ERBIN: variants seen among roughly 807,000 people sequenced by gnomAD.
ERBIN encodes the protein densin-180-like protein.
Under a neutral mutation model 158.4 loss-of-function variants are expected in ERBIN, and 60 were observed. That is an observed-to-expected ratio of 0.38 (90% confidence interval 0.31 to 0.47). The LOEUF (loss-of-function observed/expected upper bound fraction) is 0.47, where lower values mean the gene tolerates loss of function less well. ERBIN is among the 20% of genes least tolerant of loss of function. ERBIN has a pLI of 0.99. For missense variants in ERBIN, 1,610 were observed against 1,648.0 expected (o/e 0.98, Z 0.40); for synonymous variants, 594 against 557.2 (o/e 1.07, Z -0.93).
intron 21 of ERBIN, among the ~76,000 whole-genome samples, chr5:66,057,052 A>C (rs1023258128): frequency 2.6e-5 from 4 of 152,210 alleles, no homozygotes; most frequent in Non-Finnish European, 4.4e-5. Flanking sequence ...CTTTTATCTT[A>C]AATGGATTCA....
rs772493099 is a variant in ERBIN, at chr5:66,023,286, A to G, written c.598-4A>G. ...ACTGCTATCCCCTACCCTAATCCCA[A>G]CAGCCTGAAGTACTTGAGCAACTAA... On this transcript the variant is annotated splice_polypyrimidine_tract_variant and splice_region_variant and intron_variant, in intron 8 of 25. Transcript: ENST00000284037. The G allele has an allele frequency of 1.9e-6, 3 of 1,611,294 alleles. No individual in the cohort carries two copies. The highest frequency in any genetic ancestry group is 2.5e-6 in the Non-Finnish European group (3 of 1,178,058).
chr5:65,960,479 A>G (rs1049969771), intron 1 of ERBIN, among the ~76,000 whole-genome samples: 6 of 152,194 alleles, frequency 3.9e-5, no homozygotes, highest in South Asian at 2.1e-4. Context: ...AAAAACAAAC[A>G]ATGAAACAGA....
At chr5:66,059,036 A>G (rs1055004542) in intron 21 of ERBIN, among the ~76,000 whole-genome samples, 17 of 152,002 alleles carry the variant, frequency 1.1e-4, no homozygotes, top group Admixed American at 5.2e-4. Flanking sequence ...TTTTGGTTCC[A>G]TATGAACTTT....
intron 10 of ERBIN, 157 bp from the exon 11 acceptor site, chr5:66,025,323 A>C: frequency 3.0e-6 from 2 of 659,672 alleles, no homozygotes; most frequent in Non-Finnish European, 5.4e-6. Flanking sequence ...GGATGAGGGA[A>C]TAGAACATTG....
intron 1 of ERBIN, among the ~76,000 whole-genome samples, chr5:65,938,255 G>T (rs1423078917): frequency 1.3e-5 from 2 of 151,790 alleles, no homozygotes; most frequent in Non-Finnish European, 2.9e-5. Flanking sequence ...AAGCAATTGA[G>T]TTTCATGTTT....
intron 1 of ERBIN, among the ~76,000 whole-genome samples, chr5:65,948,824 C>A (rs913664598): frequency 7.8e-6 from 1 of 127,888 alleles, no homozygotes; most frequent in African/African-American, 3.0e-5. Flanking sequence ...AGTGCAGTGG[C>A]CCAATTTCAG....
At chr5:66,059,416 A>G (rs1472872672) in intron 21 of ERBIN, among the ~76,000 whole-genome samples, 1 of 152,236 alleles carries the variant, frequency 6.6e-6, no homozygotes, top group African/African-American at 2.4e-5. Flanking sequence ...GAAGTTGCTT[A>G]TCAGCTTAAG....
chr5:66,006,953 T>C (rs1327373643), intron 4 of ERBIN, among the ~76,000 whole-genome samples: 1 of 147,266 alleles, frequency 6.8e-6, no homozygotes. Flanking sequence ...GACTGTAAAC[T>C]AGTTCAACCA....
intron 12 of ERBIN, 140 bp downstream of exon 12, chr5:66,026,117 G>T: frequency 1.2e-6 from 1 of 840,188 alleles, no homozygotes. Flanking sequence ...AATTAGCTAT[G>T]TTAATTTAGA....
chr5:65,991,145 G>A (rs1472637767), intron 2 of ERBIN, among the ~76,000 whole-genome samples: 4 of 152,142 alleles, frequency 2.6e-5, no homozygotes, highest in Non-Finnish European at 5.9e-5. Flanking sequence ...TGAAGTAGAA[G>A]AATTAGAAGC....
Position 66,075,983 on chromosome 5 carries a change from A to G in ERBIN, c.3964-333A>G, listed in dbSNP as rs542807656. ...CCCACAAGTGGAAACTGATAATAAT[A>G]TACATGTTTTGTGTTTATGTACTAT... On this transcript the variant is annotated intron_variant, in intron 23 of 25. Transcript: ENST00000284037. The G allele has an allele frequency of 2.3e-4, 50 of 220,728 alleles. No homozygotes were observed. In the East Asian group the frequency reaches 5.8e-3, roughly 26 times the overall value. 13.7% of individuals were successfully genotyped at this position (220,728 alleles called of 1,614,324 possible). A position where few individuals can be genotyped will look rare whatever the true frequency, so the allele number is the denominator to read the frequency against.
At chr5:66,059,355 T>G (rs1759991133) in intron 21 of ERBIN, among the ~76,000 whole-genome samples, 2 of 152,326 alleles carry the variant, frequency 1.3e-5, no homozygotes, top group South Asian at 4.1e-4. Flanking sequence ...TATTGGTGTA[T>G]AAGGATGCTT....
At position 66,081,478 on chromosome 5, in the gene ERBIN, CATTT is replaced by C. The variant is rs1271068712; in HGVS notation, c.*2952_*2955del. On this transcript the variant is annotated 3_prime_UTR_variant, in exon 26 of 26. Transcript: ENST00000284037. Reference sequence around the variant, plus strand: ...GCTATGTAATATTTTTATCAACCAACATTTATTCATTCCAAATTTTTGTATATAT... The same window carrying C: ...GCTATGTAATATTTTTATCAACCAACATTCATTCCAAATTTTTGTATATAT... The C allele has an allele frequency of 1.3e-5, 2 of 152,100 alleles. No homozygotes were observed. The highest frequency in any genetic ancestry group is 2.9e-5 in the Non-Finnish European group (2 of 67,956). 9.4% of individuals were successfully genotyped at this position (152,100 alleles called of 1,614,324 possible). A position where few individuals can be genotyped will look rare whatever the true frequency, so the allele number is the denominator to read the frequency against.
At chr5:65,952,535 T>C (rs1029092137) in intron 1 of ERBIN, among the ~76,000 whole-genome samples, 1 of 152,020 alleles carries the variant, frequency 6.6e-6, no homozygotes, top group Non-Finnish European at 1.5e-5. Context: ...TGCTCCTGGC[T>C]TGTGTATTTG....
intron 1 of ERBIN, among the ~76,000 whole-genome samples, chr5:65,969,416 G>A (rs952856129): frequency 2.0e-5 from 3 of 152,158 alleles, no homozygotes; most frequent in African/African-American, 7.2e-5. Flanking sequence ...TTGGACATTC[G>A]TAGTTTCTTA....
chr5:65,977,395 T>C (rs1477871199), intron 1 of ERBIN, among the ~76,000 whole-genome samples: 43 of 133,256 alleles, frequency 3.2e-4, no homozygotes, highest in African/African-American at 1.2e-3. Flanking sequence ...TCCTCACTTC[T>C]CAGACGGGGC....
intron 7 of ERBIN, among the ~76,000 whole-genome samples, chr5:66,018,126 C>G (rs1754993221): frequency 6.6e-6 from 1 of 151,570 alleles, no homozygotes; most frequent in African/African-American, 2.4e-5. Flanking sequence ...CAACTTTGTT[C>G]TTTTTGCTTA....
chr5:65,988,476 G>A (rs1169819286), intron 1 of ERBIN, among the ~76,000 whole-genome samples, 159 bp from the exon 2 acceptor site: 1 of 151,800 alleles, frequency 6.6e-6, no homozygotes, highest in Non-Finnish European at 1.5e-5. Context: ...TAATATTTTG[G>A]TTTGACTATT....
At chr5:65,929,361 C>T (rs1743074038) in intron 1 of ERBIN, among the ~76,000 whole-genome samples, 1 of 152,108 alleles carries the variant, frequency 6.6e-6, no homozygotes, top group African/African-American at 2.4e-5. Context: ...ACGATTTAGA[C>T]TTTAAGCTGC....
Sources: allele counts gnomAD v4.1 joint callset (sites outside exome capture counted in the v4.1 genomes callset), GRCh38; gene constraint gnomAD v4.1.1; transcripts MANE v1.5; gene names NCBI Gene and HGNC (gene_info 2026-07-23, HGNC 2026-07-21).